INTS4: variants seen among roughly 807,000 people sequenced by gnomAD.
INTS4 encodes the protein MSTP093.
In INTS4, 70 loss-of-function variants were observed where a neutral mutation model predicts 119.5. The ratio of observed to expected loss-of-function variants is 0.59; its 90% CI spans 0.48 to 0.71. INTS4 has a LOEUF of 0.71. INTS4 is among the 30% of genes least tolerant of loss of function. The probability of loss-of-function intolerance (pLI) is 0.00; values close to 1 mark genes in which losing one functional copy is unlikely to be tolerated. For missense variants in INTS4, 867 were observed against 1,173.2 expected, an observed-to-expected ratio of 0.74 and a Z score of 3.81; for synonymous variants, 316 against 419.6, an observed-to-expected ratio of 0.75 and a Z score of 3.02.
Position 77,894,306 on chromosome 11 carries a change from C to G in INTS4, c.2272G>C (p.Val758Leu), listed in dbSNP as rs1464345756. 6.4e-7 allele frequency: 1 copy of G among 1,555,602 alleles called. No homozygotes were observed. Among genetic ancestry groups the G allele is most frequent in the Admixed American group, 1.8e-5 (1 of 57,044 alleles). Reference protein sequence around the residue: ...FGMCEKFLQEVDFFQRYFIAD... With the variant: ...FGMCEKFLQELDFFQRYFIAD... Reference sequence around the variant, plus strand: ...AATACTTACCTCTGAAAAAAGTCTACTTCCTGTAAAAATTTTTCACACATC... The same window carrying G: ...AATACTTACCTCTGAAAAAAGTCTAGTTCCTGTAAAAATTTTTCACACATC... Residue 758 changes from valine to leucine, a missense_variant, in exon 19 of 23, where the codon GTA becomes CTA. By Grantham distance (32) the Val-to-Leu change is conservative. Transcript: ENST00000534064.
intron 8 of INTS4, among the ~76,000 whole-genome samples, chr11:77,947,948 A>T (rs1472936928): frequency 1.3e-5 from 2 of 152,044 alleles, no homozygotes; most frequent in African/African-American, 4.8e-5. Context: ...GGCTCAAGTG[A>T]TCCTCCCACC....
intron 2 of INTS4, among the ~76,000 whole-genome samples, chr11:77,989,357 C>T (rs1214104843): frequency 6.6e-6 from 1 of 151,956 alleles, no homozygotes; most frequent in Non-Finnish European, 1.5e-5. Context: ...CGTGATGGCG[C>T]ACTCCTGTAG....
chr11:77,916,553 C>T lies in INTS4; in HGVS notation c.1922+2268G>A, dbSNP rs1485758860. Among the ~76,000 whole-genome samples, 7 of 152,356 alleles carry T rather than the reference C, an allele frequency of 4.6e-5. No individual in the cohort carries two copies. In the South Asian group the frequency reaches 1.5e-3, roughly 32 times the overall value. On this transcript the variant is annotated intron_variant, in intron 15 of 22. Coordinates refer to ENST00000534064, the MANE Select transcript of INTS4 (RefSeq NM_033547.4). The stretch of plus-strand genomic sequence containing the variant: ...TGACTGTATTAGCTCAGACGTTAAA[C>T]AAAATGAGTCTGCCCTCAAAGCTCC...
chr11:77,971,134 T>C (rs957338602), intron 4 of INTS4, among the ~76,000 whole-genome samples: 1 of 152,152 alleles, frequency 6.6e-6, no homozygotes, highest in African/African-American at 2.4e-5. Flanking sequence ...TGCATTTCCC[T>C]AGTGACAGGT....
At chr11:77,907,867 A>G in intron 15 of INTS4, 57 bp from the exon 16 acceptor site, 3 of 1,091,506 alleles carry the variant, frequency 2.7e-6, no homozygotes, top group South Asian at 1.3e-5. Flanking sequence ...CCACCAACAT[A>G]AAGATCATGT....
intron 6 of INTS4, among the ~76,000 whole-genome samples, chr11:77,959,670 T>A (rs1456190450): frequency 6.6e-6 from 1 of 152,120 alleles, no homozygotes; most frequent in East Asian, 1.9e-4. Flanking sequence ...TTCTACTTCA[T>A]TCAATAGAGG....
chr11:77,902,168 ACT>A (rs1418870274), intron 17 of INTS4, among the ~76,000 whole-genome samples: 2 of 152,130 alleles, frequency 1.3e-5, no homozygotes, highest in Middle Eastern at 3.4e-3. Context: ...ATGACTCCAG[ACT>A]CTCTTACAAT....
intron 4 of INTS4, 97 bp downstream of exon 4, chr11:77,978,899 G>A: frequency 1.5e-6 from 1 of 687,758 alleles, no homozygotes; most frequent in African/African-American, 1.8e-5. Flanking sequence ...AACACCAAGA[G>A]ATGAAAAAAA....
chr11:77,932,425 T>C (rs1209148674), intron 10 of INTS4, among the ~76,000 whole-genome samples: 1 of 152,170 alleles, frequency 6.6e-6, no homozygotes, highest in Non-Finnish European at 1.5e-5. Context: ...TCACACCAGT[T>C]AGAATGGCGA....
chr11:77,921,388 G>T lies in INTS4; in HGVS notation c.1716C>A (p.His572Gln), dbSNP rs766518937. Residue 572 changes from histidine to glutamine, a missense_variant, in exon 14 of 23, where the codon CAC becomes CAA. Physicochemically the swap from His to Gln is conservative, Grantham distance 24 (BLOSUM62 0). Around this residue, in one of 5 missense-constraint regions of INTS4, gnomAD observed 262 missense variants for 376.0 expected, o/e 0.70. Transcript: ENST00000534064. ...AAAGACTGTCTCGGAGGTAGGCATAGTGCCTGAAGGTGTGATCTGAGAACA... is the reference window on the plus strand; with the variant it reads ...AAAGACTGTCTCGGAGGTAGGCATATTGCCTGAAGGTGTGATCTGAGAACA... ...PALFSDHTFR[H>Q]YAYLRDSLSH... 1 of 1,613,200 alleles carries T rather than the reference G, an allele frequency of 6.2e-7. No individual in the cohort carries two copies. The highest frequency in any genetic ancestry group is 1.1e-5 in the South Asian group (1 of 91,064).
In INTS4 at chr11:77,967,267, G is replaced by T. The variant is rs139655972; in HGVS notation, c.472-6129C>A. Among the ~76,000 whole-genome samples, 12 of 152,238 alleles carry T rather than the reference G, an allele frequency of 7.9e-5. No homozygotes were observed. The South Asian group carries it at 1.9e-3, about 24-fold the overall frequency. ...CAGTAGGTAATTAAGGTTAAATGAG[G>T]TCATAAGGATGGGACTCTAGTGTCC... is the stretch of plus-strand genomic sequence containing the variant. On this transcript the variant is annotated intron_variant, in intron 4 of 22. Coordinates refer to ENST00000534064, the MANE Select transcript of INTS4 (RefSeq NM_033547.4).
chr11:77,994,542 A>G lies in INTS4; in HGVS notation c.54+48T>C. The G allele has an allele frequency of 3.4e-6, 5 of 1,450,864 alleles. 1 individual carries two copies. The highest frequency in any genetic ancestry group is 4.9e-6 in the Non-Finnish European group (5 of 1,030,688). 89.9% of individuals were successfully genotyped at this position (1,450,864 alleles called of 1,614,324 possible). On this transcript the variant is annotated intron_variant, in intron 1 of 22. Transcript: ENST00000534064. ...CGGCAAAGTGCCTGGGATTTGGATA[A>G]TCTACCCTGGTCCGGATCGGTTCTG...
chr11:77,908,307 TC>T (rs1291856789), intron 15 of INTS4, among the ~76,000 whole-genome samples: 2 of 151,884 alleles, frequency 1.3e-5, no homozygotes, highest in East Asian at 1.9e-4. Flanking sequence ...TATACACGCG[TC>T]ATGATGGTTT....
chr11:77,907,601 T>C, intron 16 of INTS4, 116 bp downstream of exon 16: 1 of 678,314 alleles, frequency 1.5e-6, no homozygotes, highest in South Asian at 1.9e-5. Flanking sequence ...ATTTCTCCAT[T>C]GTCAAGTGGT....
chr11:77,974,555 A>G (rs938802486), intron 4 of INTS4, among the ~76,000 whole-genome samples: 72 of 92,790 alleles, frequency 7.8e-4, no homozygotes, highest in Non-Finnish European at 1.4e-3. Flanking sequence ...ATTTTTCATA[A>G]TATTAACTTA....
chr11:77,983,454 T>A (rs926239913), intron 2 of INTS4, among the ~76,000 whole-genome samples: 1 of 152,104 alleles, frequency 6.6e-6, no homozygotes, highest in Non-Finnish European at 1.5e-5. Context: ...TTGAAATTAG[T>A]AACAGAATAT....
At chr11:77,964,369 C>T (rs1855391754) in intron 4 of INTS4, among the ~76,000 whole-genome samples, 1 of 151,776 alleles carries the variant, frequency 6.6e-6, no homozygotes, top group Non-Finnish European at 1.5e-5. Context: ...AGATCGAGAC[C>T]ATCCTGGCTA....
chr11:77,977,204 A>G (rs1410391198), intron 4 of INTS4, among the ~76,000 whole-genome samples: 1 of 152,166 alleles, frequency 6.6e-6, no homozygotes, highest in East Asian at 1.9e-4. Context: ...AATACGGAAA[A>G]TATTTTAGAC....
At chr11:77,982,458 C>T (rs1168981049) in intron 2 of INTS4, among the ~76,000 whole-genome samples, 1 of 152,064 alleles carries the variant, frequency 6.6e-6, no homozygotes, top group African/African-American at 2.4e-5. Context: ...TTTTGAATCA[C>T]CAGATCCTGA....
Sources: gnomAD v4.1 joint callset for allele counts (sites outside exome capture counted in the v4.1 genomes callset) on GRCh38, gnomAD v4.1.1 for gene constraint, gnomAD v4.1.1 regional missense constraint, MANE v1.5 for transcripts, NCBI Gene and HGNC (gene_info 2026-07-23, HGNC 2026-07-21) for gene names.